Variants in DOK6 observed in about 807,000 individuals in gnomAD.
DOK6 encodes the protein downstream of tyrosine kinase 6.
Under a neutral mutation model 44.0 loss-of-function variants are expected in DOK6, and 22 were observed. That is an observed-to-expected ratio of 0.50 (90% CI 0.36 to 0.71). The LOEUF is 0.71. DOK6 is among the 30% of genes least tolerant of loss of function. DOK6 has a pLI of 0.00. For missense variants in DOK6, 340 were observed against 416.4 expected, an observed-to-expected ratio of 0.82 and a Z score of 1.60; for synonymous variants, 166 against 145.5, an observed-to-expected ratio of 1.14 and a Z score of -1.01.
chr18:69,713,037 C>T (rs1237179022), intron 5 of DOK6, among the ~76,000 whole-genome samples: 1 of 152,142 alleles, frequency 6.6e-6, no homozygotes, highest in East Asian at 1.9e-4. Context: ...AGATTTTTTG[C>T]ATGCCAGATT....
At chr18:69,737,767 C>T (rs528162447) in intron 5 of DOK6, among the ~76,000 whole-genome samples, 1 of 152,190 alleles carries the variant, frequency 6.6e-6, no homozygotes, top group African/African-American at 2.4e-5. Context: ...GAGTCAAATC[C>T]CAGGAAGTGG....
At chr18:69,747,238 C>T (rs1453560303) in intron 6 of DOK6, among the ~76,000 whole-genome samples, 1 of 152,176 alleles carries the variant, frequency 6.6e-6, no homozygotes, top group Non-Finnish European at 1.5e-5. Context: ...TTTGTCTCAA[C>T]TGCTAATCCA....
intron 1 of DOK6, among the ~76,000 whole-genome samples, chr18:69,477,924 C>T (rs1980312258): frequency 6.6e-6 from 1 of 152,096 alleles, no homozygotes; most frequent in African/African-American, 2.4e-5. Flanking sequence ...GCTTTGATCT[C>T]ATTTAGGCCG....
chr18:69,670,393 G>T (rs1422080223), intron 3 of DOK6, among the ~76,000 whole-genome samples: 1 of 152,028 alleles, frequency 6.6e-6, no homozygotes, highest in Non-Finnish European at 1.5e-5. Context: ...GAAAGCAATT[G>T]CTTTTGGGGT....
chr18:69,790,730 T>C (rs1038046613), intron 7 of DOK6, among the ~76,000 whole-genome samples: 1 of 152,116 alleles, frequency 6.6e-6, no homozygotes, highest in Non-Finnish European at 1.5e-5. Flanking sequence ...TGCATAACAA[T>C]CACATCAGGG....
At chr18:69,557,869 C>T (rs1281810888) in intron 1 of DOK6, among the ~76,000 whole-genome samples, 4 of 152,080 alleles carry the variant, frequency 2.6e-5, no homozygotes, top group Non-Finnish European at 5.9e-5. Flanking sequence ...TGTTGTTAAC[C>T]AGCCAATGGT....
chr18:69,591,967 A>C (rs1983632106), intron 2 of DOK6, among the ~76,000 whole-genome samples: 1 of 152,170 alleles, frequency 6.6e-6, no homozygotes, highest in South Asian at 2.1e-4. Context: ...ATGAGTATTA[A>C]GCTGTGTTGT....
chr18:69,538,760 C>T (rs1306275929), intron 1 of DOK6, among the ~76,000 whole-genome samples: 1 of 152,152 alleles, frequency 6.6e-6, no homozygotes, highest in Non-Finnish European at 1.5e-5. Flanking sequence ...CTGGTCACCT[C>T]TCTGATTGTC....
intron 2 of DOK6, among the ~76,000 whole-genome samples, chr18:69,587,434 A>G (rs931769077): frequency 6.6e-6 from 1 of 152,048 alleles, no homozygotes; most frequent in Admixed American, 6.6e-5. Flanking sequence ...ACTTGCCATT[A>G]GATTTAAGGC....
intron 3 of DOK6, among the ~76,000 whole-genome samples, chr18:69,664,846 C>G (rs1258203400): frequency 6.6e-6 from 1 of 152,152 alleles, no homozygotes; most frequent in Admixed American, 6.5e-5. Context: ...AGGATCCCAC[C>G]AAGCATGCTT....
intron 5 of DOK6, among the ~76,000 whole-genome samples, chr18:69,708,792 A>C (rs1986694458): frequency 6.6e-6 from 1 of 151,898 alleles, no homozygotes; most frequent in Non-Finnish European, 1.5e-5. Flanking sequence ...TCAAAAAAAA[A>C]AAAAAAAAAA....
intron 4 of DOK6, among the ~76,000 whole-genome samples, chr18:69,678,183 A>G (rs1384974903): frequency 6.6e-6 from 1 of 152,098 alleles, no homozygotes. Context: ...TGGGAGGCAG[A>G]GGTTGCAATG....
At chr18:69,713,159 C>T (rs772586284) in intron 5 of DOK6, among the ~76,000 whole-genome samples, 4 of 152,092 alleles carry the variant, frequency 2.6e-5, no homozygotes, top group African/African-American at 7.2e-5. Context: ...AATGAGAAAG[C>T]TATTATTTAT....
intron 3 of DOK6, among the ~76,000 whole-genome samples, chr18:69,674,497 C>T (rs1472774783): frequency 1.3e-5 from 2 of 152,084 alleles, no homozygotes; most frequent in Non-Finnish European, 2.9e-5. Context: ...CCAGGCATCT[C>T]CCTCACTCCT....
At chr18:69,621,723 T>C (rs7235832) in intron 3 of DOK6, among the ~76,000 whole-genome samples, 141,091 of 152,228 alleles carry the variant, frequency 0.93, 65,845 homozygotes, top group East Asian at 0.98. Context: ...GGCATTTCAA[T>C]GGGACTTTAT....
Position 69,400,909 on chromosome 18 carries a change from C to T in DOK6, c.-336C>T, listed in dbSNP as rs1916079824. The stretch of plus-strand genomic sequence containing the variant: ...AGCTGTGCGCCGCCGAGCGAGGCGC[C>T]AGCCCGTGGGTGCTGCCGGGGGCGG... On this transcript the variant is annotated 5_prime_UTR_variant, in exon 1 of 8. Coordinates refer to ENST00000382713, the MANE Select transcript of DOK6 (RefSeq NM_152721.6). 6.8e-6 allele frequency: 1 copy of T among 147,458 alleles called. No homozygotes were observed. The highest frequency in any genetic ancestry group is 2.0e-4 in the East Asian group (1 of 5,080). 9.1% of individuals were successfully genotyped at this position (147,458 alleles called of 1,614,324 possible).
At chr18:69,558,969 A>C (rs1184167671) in intron 1 of DOK6, among the ~76,000 whole-genome samples, 1 of 152,064 alleles carries the variant, frequency 6.6e-6, no homozygotes, top group Non-Finnish European at 1.5e-5. Context: ...TATAAACCTA[A>C]ACTTATTCCA....
chr18:69,774,133 GATATATATAT>G (rs111360276), intron 7 of DOK6, among the ~76,000 whole-genome samples: 27 of 66,894 alleles, frequency 4.0e-4, no homozygotes, highest in Non-Finnish European at 7.5e-4. Context: ...ATATATATGA[GATATATATAT>G]ATATATATAT....
intron 1 of DOK6, among the ~76,000 whole-genome samples, chr18:69,562,632 C>T (rs551580835): frequency 8.6e-4 from 131 of 152,234 alleles, no homozygotes; most frequent in Middle Eastern, 3.4e-3. Flanking sequence ...TTCCTTACAC[C>T]TTATACAAAA....
Sources: allele counts gnomAD v4.1 joint callset (sites outside exome capture counted in the v4.1 genomes callset), GRCh38; gene constraint gnomAD v4.1.1; transcripts MANE v1.5; gene names NCBI Gene and HGNC (gene_info 2026-07-23, HGNC 2026-07-21).